The following DPP6 variants were observed in gnomAD, a reference collection of about 807,000 sequenced individuals.
DPP6 encodes dipeptidyl peptidase like 6.
Under a neutral mutation model 122.6 loss-of-function variants are expected in DPP6, and 69 were observed. The ratio of observed to expected loss-of-function variants is 0.56; its 90% CI spans 0.46 to 0.69. The LOEUF is 0.69. Ranked by LOEUF, DPP6 falls within the 30% of genes least tolerant of loss-of-function variation. The pLI is 0.00. For missense variants in DPP6, 928 were observed against 1,116.9 expected (o/e 0.83, Z 2.41); for synonymous variants, 418 against 433.1 (o/e 0.97, Z 0.43).
the DPP6 span, among the ~76,000 whole-genome samples, chr7:153,776,899 G>C: frequency 6.6e-6 from 1 of 152,328 alleles, no homozygotes; most frequent in Admixed American, 6.5e-5. Flanking sequence ...GAAAGAATCA[G>C]TAAAATGGAC....
chr7:153,848,928 T>C, the DPP6 span, among the ~76,000 whole-genome samples: 2 of 152,242 alleles, frequency 1.3e-5, no homozygotes, highest in African/African-American at 4.8e-5. Context: ...ACAGCCATTT[T>C]ATTCAATAAT....
chr7:154,683,147 A>T (rs564332655), intron 7 of DPP6, among the ~76,000 whole-genome samples: 1 of 152,250 alleles, frequency 6.6e-6, no homozygotes, highest in East Asian at 1.9e-4. Flanking sequence ...ATGGCCAGGA[A>T]CTGTTTGAAA....
chr7:154,195,699 A>C (rs1798830063), intron 1 of DPP6, among the ~76,000 whole-genome samples: 1 of 152,220 alleles, frequency 6.6e-6, no homozygotes, highest in South Asian at 2.1e-4. Context: ...CTACTAACCC[A>C]AATTCACCCA....
intron 1 of DPP6, among the ~76,000 whole-genome samples, chr7:154,389,908 A>G (rs550817444): frequency 6.6e-6 from 1 of 152,254 alleles, no homozygotes; most frequent in South Asian, 2.1e-4. Flanking sequence ...AGTCAGTGAC[A>G]TTATAAGCAG....
the DPP6 span, among the ~76,000 whole-genome samples, chr7:153,878,888 T>C: frequency 6.6e-6 from 1 of 150,434 alleles, no homozygotes; most frequent in African/African-American, 2.5e-5. Context: ...TGTACCAAGA[T>C]TGAATAAAGC....
intron 3 of DPP6, among the ~76,000 whole-genome samples, chr7:154,529,385 G>A (rs1471284859): frequency 6.6e-6 from 1 of 152,238 alleles, no homozygotes; most frequent in Admixed American, 6.5e-5. Context: ...AAACTTGGCT[G>A]TGTAAGCCTA....
At chr7:154,890,950 A>C (rs1238883105) in intron 25 of DPP6, 1 of 152,244 alleles carries the variant, frequency 6.6e-6, no homozygotes, top group Non-Finnish European at 1.5e-5. Flanking sequence ...GTTTTGGGCC[A>C]GATGCAGTGG....
At chr7:154,225,336 A>G (rs981038364) in intron 1 of DPP6, among the ~76,000 whole-genome samples, 2 of 152,134 alleles carry the variant, frequency 1.3e-5, no homozygotes, top group Admixed American at 1.3e-4. Flanking sequence ...TTCAGAAGAC[A>G]TTATACAGCC....
chr7:154,539,118 G>C (rs1828501001), intron 3 of DPP6, among the ~76,000 whole-genome samples: 1 of 152,136 alleles, frequency 6.6e-6, no homozygotes, highest in African/African-American at 2.4e-5. Flanking sequence ...AACTATTATA[G>C]TGTGAAATGC....
intron 5 of DPP6, among the ~76,000 whole-genome samples, chr7:154,575,349 GT>G (rs1831522470): frequency 1.7e-4 from 11 of 64,856 alleles, no homozygotes; most frequent in African/African-American, 5.1e-4. Context: ...GTGTATGTGT[GT>G]GTGGTGTGTG....
At chr7:154,502,499 A>C (rs1208126178) in intron 3 of DPP6, among the ~76,000 whole-genome samples, 1 of 152,102 alleles carries the variant, frequency 6.6e-6, no homozygotes, top group Non-Finnish European at 1.5e-5. Flanking sequence ...AATAAGTCTC[A>C]TGGGATCTGA....
At chr7:154,051,836 G>A (rs948493223), upstream of DPP6, among the ~76,000 whole-genome samples, 2 of 150,632 alleles carry the variant, frequency 1.3e-5, no homozygotes, top group African/African-American at 4.9e-5. Context: ...TTCGGAGGGA[G>A]CTGGGCTGTG....
chr7:153,978,958 G>A (rs934219386), intron 1 of DPP6, among the ~76,000 whole-genome samples: 4 of 152,084 alleles, frequency 2.6e-5, no homozygotes, highest in African/African-American at 9.7e-5. Flanking sequence ...TAGCCTTATA[G>A]TTTGAAGTCA....
chr7:154,641,482 T>C (rs1836086779), intron 6 of DPP6, among the ~76,000 whole-genome samples: 1 of 152,178 alleles, frequency 6.6e-6, no homozygotes, highest in Non-Finnish European at 1.5e-5. Flanking sequence ...CATATAAGTA[T>C]TTTTGTAGAC....
At chr7:154,412,848 A>C (rs532249122) in intron 1 of DPP6, among the ~76,000 whole-genome samples, 41 of 152,282 alleles carry the variant, frequency 2.7e-4, no homozygotes, top group African/African-American at 9.4e-4. Context: ...ATGGGCACAC[A>C]AGGCAGATGC....
At chr7:154,575,450 A>ATGTGTGTGTGGTATGTG (rs1831561437) in intron 5 of DPP6, among the ~76,000 whole-genome samples, 1 of 52,908 alleles carries the variant, frequency 1.9e-5, no homozygotes, top group South Asian at 9.1e-4. Context: ...TGGTGTGTGT[A>ATGTGTGTGTGGTATGTG]TGTGTGTGNG....
intron 5 of DPP6, among the ~76,000 whole-genome samples, chr7:154,616,147 C>G (rs903848117): frequency 6.6e-6 from 1 of 152,134 alleles, no homozygotes; most frequent in Non-Finnish European, 1.5e-5. Context: ...TTATCAGAGT[C>G]AGTCACCCCA....
At chr7:154,111,980 G>A (rs569082764) in intron 1 of DPP6, among the ~76,000 whole-genome samples, 4 of 152,098 alleles carry the variant, frequency 2.6e-5, no homozygotes, top group Non-Finnish European at 5.9e-5. Context: ...AGGCCAAAAT[G>A]GGCAGAGACT....
chr7:154,584,429 C>T lies in DPP6; in HGVS notation c.627+17513C>T, dbSNP rs533694576. Reference sequence around the variant, plus strand: ...TTCCGATTTCCTGCCTATGAGTCCCCGCACTCCAAGGGACTTTGAGATGCT... The same window carrying T: ...TTCCGATTTCCTGCCTATGAGTCCCTGCACTCCAAGGGACTTTGAGATGCT... On this transcript the variant is annotated intron_variant, in intron 5 of 25. Transcript: ENST00000377770. Among the ~76,000 whole-genome samples the T allele has an allele frequency of 5.3e-5, 8 of 152,338 alleles. No individual in the cohort carries two copies. In the South Asian group the frequency reaches 8.3e-4, roughly 16 times the overall value.
Sources: gnomAD v4.1 joint callset for allele counts (sites outside exome capture counted in the v4.1 genomes callset) on GRCh38, gnomAD v4.1.1 for gene constraint, MANE v1.5 for transcripts, NCBI Gene and HGNC (gene_info 2026-07-23, HGNC 2026-07-21) for gene names.